Variants in PLXNA2 observed in about 807,000 individuals in gnomAD.
PLXNA2 encodes plexin A2, also known as plexin-A2.
Under a neutral mutation model 193.5 loss-of-function variants are expected in PLXNA2, and 91 were observed. The observed-to-expected ratio is 0.47, with a 90% CI of 0.40 to 0.56. PLXNA2 has a LOEUF of 0.56. Ranked by LOEUF, PLXNA2 falls within the 20% of genes least tolerant of loss-of-function variation. PLXNA2 has a pLI of 0.00. For missense variants in PLXNA2, 1,995 were observed against 2,503.2 expected (o/e 0.80, Z 4.33); for synonymous variants, 997 against 1,027.3 (o/e 0.97, Z 0.56).
chr1:208,038,939 G>A lies in PLXNA2; in HGVS notation c.4546C>T (p.Pro1516Ser), dbSNP rs773813078. 2 of 1,613,924 alleles carry A rather than the reference G, an allele frequency of 1.2e-6. No individual in the cohort carries two copies. The highest frequency in any genetic ancestry group is 4.5e-5 in the East Asian group (2 of 44,882). The change falls in exon 25 of 32, where the codon CCA becomes TCA. Residue 1516 changes from proline to serine, a missense_variant. By Grantham distance (74) the Pro-to-Ser change is moderately conservative. Around this residue, in one of 3 missense-constraint regions of PLXNA2, gnomAD observed 1,291 missense variants for 1,673.6 expected, o/e 0.77. Coordinates refer to ENST00000367033, the MANE Select transcript of PLXNA2 (RefSeq NM_025179.4). The surrounding 1 kb of genome is among the most constrained non-coding windows in gnomAD (Gnocchi z 4.1). ...NPDNENSPEI[P>S]VKVLNCDTIT... ...GTGTCACAGTTTAACACCTTCACTG[G>A]GATCTCTGGACTGTTCTCGTTGTCA... is the stretch of plus-strand genomic sequence containing the variant.
intron 1 of PLXNA2, among the ~76,000 whole-genome samples, chr1:208,231,058 C>T (rs1316123460): frequency 6.6e-6 from 1 of 152,180 alleles, no homozygotes; most frequent in African/African-American, 2.4e-5. Flanking sequence ...GGTGAAGGAG[C>T]ACAGTTAGTA....
chr1:208,039,962 C>A (rs377077875), intron 23 of PLXNA2, 30 bp downstream of exon 23: 2 of 1,610,150 alleles, frequency 1.2e-6, no homozygotes, highest in Non-Finnish European at 1.7e-6. Flanking sequence ...CTGCCCTGGA[C>A]GCTAGGCCCC....
chr1:208,079,517 C>T, intron 11 of PLXNA2, 67 bp from the exon 12 acceptor site: 3 of 1,219,006 alleles, frequency 2.5e-6, no homozygotes, highest in Middle Eastern at 2.3e-4. Flanking sequence ...CCTCCTCTTG[C>T]AGGTGTGATA....
intron 9 of PLXNA2, among the ~76,000 whole-genome samples, chr1:208,090,803 G>A (rs932418858): frequency 6.6e-6 from 1 of 152,190 alleles, no homozygotes; most frequent in African/African-American, 2.4e-5. Flanking sequence ...CCCATGTCAA[G>A]GTTAGTTTCT....
rs1443799754 is a variant in PLXNA2 at position 208,025,205 on chromosome 1, G to A, written c.*2038C>T. 5 of 152,750 alleles carry A rather than the reference G, an allele frequency of 3.3e-5. No homozygotes were observed. In the East Asian group the frequency reaches 9.6e-4, roughly 29 times the overall value. The allele number at this position is 152,750 out of a possible 1,614,324, so 9.5% of individuals were successfully genotyped here. On this transcript the variant is annotated 3_prime_UTR_variant, in exon 32 of 32. Transcript: ENST00000367033. ...ATTCAGGCAAGAAACTAGAGCTGGG[G>A]AGACCGGGCAACGTCTGCTGTGTGG...
At chr1:208,240,830 T>C (rs865778097) in intron 1 of PLXNA2, among the ~76,000 whole-genome samples, 5 of 151,466 alleles carry the variant, frequency 3.3e-5, no homozygotes, top group African/African-American at 1.2e-4. Context: ...CAGAAGTATA[T>C]TGTGCCTCAG....
At chr1:208,177,914 G>C (rs1307029101) in intron 3 of PLXNA2, among the ~76,000 whole-genome samples, 2 of 152,368 alleles carry the variant, frequency 1.3e-5, no homozygotes, top group Admixed American at 6.5e-5. Context: ...CACTGGGCTA[G>C]ACTTTGCCCG....
intron 4 of PLXNA2, among the ~76,000 whole-genome samples, chr1:208,114,884 G>C (rs938852602): frequency 7.2e-5 from 11 of 152,196 alleles, no homozygotes; most frequent in African/African-American, 2.7e-4. Context: ...TAGAGGGAGC[G>C]GGAGGGAGAT....
chr1:208,060,259 G>T (rs555248069), intron 13 of PLXNA2, among the ~76,000 whole-genome samples: 35 of 152,172 alleles, frequency 2.3e-4, no homozygotes, highest in Non-Finnish European at 4.7e-4. Flanking sequence ...TGAAATAAAT[G>T]AATTTGCTCC....
intron 10 of PLXNA2, among the ~76,000 whole-genome samples, chr1:208,083,525 C>G (rs189537752): frequency 2.3e-4 from 35 of 151,976 alleles, no homozygotes; most frequent in Non-Finnish European, 5.9e-5. Context: ...GGCCTTCCAC[C>G]GATTACAAAT....
At chr1:208,130,488 A>G (rs1250772628) in intron 4 of PLXNA2, among the ~76,000 whole-genome samples, 4 of 152,202 alleles carry the variant, frequency 2.6e-5, no homozygotes, top group Admixed American at 6.5e-5. Context: ...TCACAAGCAC[A>G]TGCATACTCG....
Position 208,027,029 on chromosome 1 carries a change from G to A in PLXNA2, c.*214C>T, listed in dbSNP as rs1032132437. 13 of 500,800 alleles carry A rather than the reference G, an allele frequency of 2.6e-5. No individual in the cohort carries two copies. The highest frequency in any genetic ancestry group is 5.3e-4 in the Middle Eastern group (1 of 1,884). 31.0% of individuals were successfully genotyped at this position (500,800 alleles called of 1,614,324 possible). On this transcript the variant is annotated 3_prime_UTR_variant, in exon 32 of 32. Coordinates refer to ENST00000367033, the MANE Select transcript of PLXNA2 (RefSeq NM_025179.4). ...CCCCGGGTTCTCTGGTGTTCTCACT[G>A]AGGATGGACGACGCCCACTGTCTCT...
At chr1:208,040,460 C>A (rs1235021259) in intron 22 of PLXNA2, among the ~76,000 whole-genome samples, 1 of 152,166 alleles carries the variant, frequency 6.6e-6, no homozygotes. Flanking sequence ...GGCTTTCTTG[C>A]ATGTGTGAGT....
intron 13 of PLXNA2, among the ~76,000 whole-genome samples, chr1:208,056,419 A>G (rs367921127): frequency 6.6e-6 from 1 of 152,234 alleles, no homozygotes; most frequent in Non-Finnish European, 1.5e-5. Flanking sequence ...AGTTAAGGAA[A>G]AAAGAAAAAA....
At chr1:208,161,858 T>C (rs567452270) in intron 3 of PLXNA2, among the ~76,000 whole-genome samples, 1 of 152,340 alleles carries the variant, frequency 6.6e-6, no homozygotes, top group Admixed American at 6.5e-5. Flanking sequence ...ATCTGTACTT[T>C]ATTAATTACG....
intron 4 of PLXNA2, among the ~76,000 whole-genome samples, chr1:208,128,388 A>G (rs1218032334): frequency 1.3e-5 from 2 of 152,192 alleles, no homozygotes; most frequent in African/African-American, 2.4e-5. Flanking sequence ...AGCTAGAGCC[A>G]TGGCTGAGGG....
At chr1:208,173,922 G>C (rs1669576075) in intron 3 of PLXNA2, among the ~76,000 whole-genome samples, 1 of 152,268 alleles carries the variant, frequency 6.6e-6, no homozygotes, top group African/African-American at 2.4e-5. Context: ...TCCTGGGAAT[G>C]CCATGCGGGT....
chr1:208,038,539 C>T lies in PLXNA2; in HGVS notation c.4661-65G>A, dbSNP rs908256096. 84 of 1,312,722 alleles carry T rather than the reference C, an allele frequency of 6.4e-5. No individual in the cohort carries two copies. Among genetic ancestry groups the T allele is most frequent in the Middle Eastern group, 2.0e-4 (1 of 4,932 alleles). The allele number at this position is 1,312,722 out of a possible 1,614,324, so 81.3% of individuals were successfully genotyped here. ...ATGAGGGCTGTGAGCCAGTGTCTCCCGATTGCACCTTCTCTAGGGACCTGG... is the reference window on the plus strand; with the variant it reads ...ATGAGGGCTGTGAGCCAGTGTCTCCTGATTGCACCTTCTCTAGGGACCTGG... On this transcript the variant is annotated intron_variant, in intron 25 of 31. Transcript: ENST00000367033. The surrounding 1 kb of genome is among the most constrained non-coding windows in gnomAD (Gnocchi z 4.1).
At chr1:208,107,329 G>C (rs1005399075) in intron 4 of PLXNA2, among the ~76,000 whole-genome samples, 2 of 152,162 alleles carry the variant, frequency 1.3e-5, no homozygotes, top group African/African-American at 4.8e-5. Context: ...TTAAATGTTA[G>C]GTCCTGGGGC....
Sources: allele counts gnomAD v4.1 joint callset (sites outside exome capture counted in the v4.1 genomes callset), GRCh38; gene constraint gnomAD v4.1.1; regional missense constraint gnomAD v4.1.1; non-coding constraint Gnocchi (gnomAD v3.1); transcripts MANE v1.5; gene names NCBI Gene and HGNC (gene_info 2026-07-23, HGNC 2026-07-21).